The following RNF38 variants were observed in gnomAD, a reference collection of about 807,000 sequenced individuals.
RNF38 encodes the protein ring finger protein 38.
A neutral mutation model predicts 67.2 loss-of-function variants in RNF38; 15 were observed. The ratio of observed to expected loss-of-function variants is 0.22; its 90% CI spans 0.15 to 0.34. The LOEUF (loss-of-function observed/expected upper bound fraction) is 0.34. Among genes scored for constraint, RNF38 ranks in the 10% least tolerant of loss-of-function variants. The probability of loss-of-function intolerance (pLI) is 1.00; values close to 1 mark genes in which losing one functional copy is unlikely to be tolerated. For missense variants in RNF38, 524 were observed against 639.9 expected, an observed-to-expected ratio of 0.82 and a Z score of 1.95; for synonymous variants, 220 against 218.8, an observed-to-expected ratio of 1.01 and a Z score of -0.05.
chr9:36,446,812 A>G (rs1409131752), intron 1 of RNF38, among the ~76,000 whole-genome samples: 1 of 132,316 alleles, frequency 7.6e-6, no homozygotes, highest in African/African-American at 3.1e-5. Flanking sequence ...CGCCTCAAGA[A>G]AAAAAAAAAA....
At chr9:36,365,881 G>T (rs573754877) in intron 4 of RNF38, among the ~76,000 whole-genome samples, 2 of 152,000 alleles carry the variant, frequency 1.3e-5, no homozygotes, top group South Asian at 2.1e-4. Context: ...GGCCAGGCTG[G>T]TCTCAAACTC....
At chr9:36,428,232 C>T (rs552582713) in intron 1 of RNF38, among the ~76,000 whole-genome samples, 3 of 151,608 alleles carry the variant, frequency 2.0e-5, no homozygotes, top group Admixed American at 6.6e-5. Context: ...CTGGCTAACA[C>T]GGTGAAAGCC....
intron 10 of RNF38, 22 bp downstream of exon 10, chr9:36,344,810 G>T (rs780581346): frequency 8.7e-6 from 14 of 1,605,684 alleles, no homozygotes; most frequent in Admixed American, 3.4e-5. Context: ...ATTTAGCAGT[G>T]ATGTCAGAAA....
At chr9:36,378,816 T>G (rs1835984366) in intron 2 of RNF38, among the ~76,000 whole-genome samples, 1 of 152,146 alleles carries the variant, frequency 6.6e-6, no homozygotes, top group Admixed American at 6.5e-5. Flanking sequence ...CCATCACTTC[T>G]CTTTGTGCTA....
At chr9:36,392,688 C>A (rs1245056786) in intron 1 of RNF38, among the ~76,000 whole-genome samples, 1 of 152,084 alleles carries the variant, frequency 6.6e-6, no homozygotes, top group Non-Finnish European at 1.5e-5. Context: ...TCACTCGAGC[C>A]CAGTAGTTTG....
chr9:36,427,880 T>C (rs1838818217), intron 1 of RNF38, among the ~76,000 whole-genome samples: 1 of 151,374 alleles, frequency 6.6e-6, no homozygotes, highest in Non-Finnish European at 1.5e-5. Flanking sequence ...CTGGCTAATT[T>C]TGTATTTTTA....
intron 1 of RNF38, among the ~76,000 whole-genome samples, chr9:36,453,830 A>C (rs921656285): frequency 2.6e-5 from 4 of 152,226 alleles, no homozygotes; most frequent in African/African-American, 7.2e-5. Flanking sequence ...CCAGAGAATA[A>C]TTAGTTTTTA....
At chr9:36,359,964 T>C (rs1274558145) in intron 4 of RNF38, among the ~76,000 whole-genome samples, 2 of 152,090 alleles carry the variant, frequency 1.3e-5, no homozygotes, top group Non-Finnish European at 1.5e-5. Context: ...AGTCTGGTCT[T>C]GAACTCCTGA....
At chr9:36,391,870 C>G (rs1460818941) in intron 1 of RNF38, among the ~76,000 whole-genome samples, 2 of 152,196 alleles carry the variant, frequency 1.3e-5, no homozygotes, top group Admixed American at 6.5e-5. Context: ...GCCTCGGCCT[C>G]CCGAAGTGCT....
intron 2 of RNF38, among the ~76,000 whole-genome samples, chr9:36,377,153 CA>C (rs1024546139): frequency 6.6e-6 from 1 of 152,074 alleles, no homozygotes; most frequent in African/African-American, 2.4e-5. Flanking sequence ...CTCAATTTCC[CA>C]AATCAGTCTA....
At position 36,342,335 on chromosome 9, in the gene RNF38, T is replaced by G. The variant is rs757619954; in HGVS notation, c.1475A>C (p.Lys492Thr). 6.2e-7 allele frequency: 1 copy of G among 1,608,884 alleles called. No individual in the cohort carries two copies. Among genetic ancestry groups the G allele is most frequent in the Admixed American group, 1.7e-5 (1 of 60,012 alleles). The change falls in exon 11 of 12, where the codon AAA becomes ACA. Residue 492 changes from lysine to threonine, a missense_variant. By Grantham distance (78) the Lys-to-Thr change is moderately conservative. Around this residue, in one of 2 missense-constraint regions of RNF38, gnomAD observed 63 missense variants for 122.5 expected, o/e 0.51. Coordinates refer to ENST00000259605, the MANE Select transcript of RNF38 (RefSeq NM_022781.5). ...ATGTCATCACTTTACCTTAAGCCATTTGTCAACACACTTGGCATGGAACTC... is the reference window on the plus strand; with the variant it reads ...ATGTCATCACTTTACCTTAAGCCATGTGTCAACACACTTGGCATGGAACTC... ...NHEFHAKCVD[K>T]WLKANRTCPI...
At chr9:36,476,982 G>A (rs778920954) in intron 1 of RNF38, among the ~76,000 whole-genome samples, 20 of 152,024 alleles carry the variant, frequency 1.3e-4, no homozygotes, top group Non-Finnish European at 2.6e-4. Flanking sequence ...AACAAAAAGG[G>A]CCACCCTTAT....
chr9:36,364,090 A>AC (rs941141461), intron 4 of RNF38, among the ~76,000 whole-genome samples: 3 of 146,774 alleles, frequency 2.0e-5, no homozygotes, highest in Non-Finnish European at 4.5e-5. Context: ...TCAGCCTCCC[A>AC]AAGTGCTAGG....
chr9:36,484,620 T>C (rs1479773640), intron 1 of RNF38, among the ~76,000 whole-genome samples: 1 of 152,162 alleles, frequency 6.6e-6, no homozygotes, highest in Non-Finnish European at 1.5e-5. Flanking sequence ...TGTAATCCCA[T>C]TCCTCATCTT....
chr9:36,476,581 T>C (rs1840126711), intron 1 of RNF38, among the ~76,000 whole-genome samples: 1 of 146,942 alleles, frequency 6.8e-6, no homozygotes, highest in Non-Finnish European at 1.5e-5. Context: ...TGGAGCGCGA[T>C]GGCATGGTCT....
chr9:36,359,920 T>TC (rs1834399310), intron 4 of RNF38, among the ~76,000 whole-genome samples: 2 of 151,726 alleles, frequency 1.3e-5, no homozygotes, highest in East Asian at 3.9e-4. Context: ...GGCTTTTTTT[T>TC]TTAAATTAGA....
intron 1 of RNF38, among the ~76,000 whole-genome samples, chr9:36,463,582 G>GA (rs954988023): frequency 2.8e-4 from 42 of 149,636 alleles, no homozygotes; most frequent in African/African-American, 6.6e-4. Flanking sequence ...AGGTACACTA[G>GA]AAAAAAAAAA....
At chr9:36,436,908 G>A (rs1270007472) in intron 1 of RNF38, among the ~76,000 whole-genome samples, 1 of 151,992 alleles carries the variant, frequency 6.6e-6, no homozygotes, top group Non-Finnish European at 1.5e-5. Flanking sequence ...GGCAACCAGG[G>A]TTGGTAATCT....
intron 1 of RNF38, among the ~76,000 whole-genome samples, chr9:36,445,721 G>C (rs901488329): frequency 4.6e-5 from 7 of 152,180 alleles, no homozygotes; most frequent in South Asian, 4.1e-4. Context: ...AAAGCCAGCC[G>C]ACAACTCCTT....
Sources: gnomAD v4.1 joint callset for allele counts (sites outside exome capture counted in the v4.1 genomes callset) on GRCh38, gnomAD v4.1.1 for gene constraint, gnomAD v4.1.1 regional missense constraint, MANE v1.5 for transcripts, NCBI Gene and HGNC (gene_info 2026-07-23, HGNC 2026-07-21) for gene names.